Variants in RELN observed in about 807,000 individuals in gnomAD.
RELN encodes the protein reelin.
In RELN, 108 loss-of-function variants were observed where a neutral mutation model predicts 427.6. That is an observed-to-expected ratio of 0.25 (90% CI 0.22 to 0.30). The LOEUF is 0.30. RELN is among the 10% of genes least tolerant of loss of function. The pLI is 1.00. For missense variants in RELN, 3,715 were observed against 4,302.8 expected, an observed-to-expected ratio of 0.86 and a Z score of 3.82; for synonymous variants, 1,524 against 1,513.4, an observed-to-expected ratio of 1.01 and a Z score of -0.16.
chr7:103,639,320 T>C (rs1469901051), intron 17 of RELN, among the ~76,000 whole-genome samples: 2 of 152,110 alleles, frequency 1.3e-5, no homozygotes, highest in African/African-American at 4.8e-5. Context: ...GAAATATAGT[T>C]AGAAAGTTAA....
intron 3 of RELN, among the ~76,000 whole-genome samples, chr7:103,820,981 T>C (rs1218731821): frequency 6.6e-6 from 1 of 152,132 alleles, no homozygotes; most frequent in Non-Finnish European, 1.5e-5. Flanking sequence ...GTTTTACTTA[T>C]TTGTTAAAAA....
At chr7:103,511,204 G>GAT (rs1829400846) in intron 50 of RELN, among the ~76,000 whole-genome samples, 199 bp from the exon 51 acceptor site, 3 of 152,160 alleles carry the variant, frequency 2.0e-5, no homozygotes, top group African/African-American at 4.8e-5. Context: ...CCCTTTGTCT[G>GAT]ATATTAGTAC....
chr7:103,710,620 G>A, intron 8 of RELN, among the ~76,000 whole-genome samples: 1 of 152,184 alleles, frequency 6.6e-6, no homozygotes, highest in Non-Finnish European at 1.5e-5. Flanking sequence ...AAATCTAAAT[G>A]ACATGATCAA....
chr7:103,549,455 A>C (rs1384026658), intron 41 of RELN, among the ~76,000 whole-genome samples: 1 of 152,204 alleles, frequency 6.6e-6, no homozygotes, highest in East Asian at 1.9e-4. Context: ...CAGGGGAATG[A>C]ATTGAGACAT....
At chr7:103,942,279 T>G (rs1796131622) in intron 1 of RELN, among the ~76,000 whole-genome samples, 1 of 152,152 alleles carries the variant, frequency 6.6e-6, no homozygotes, top group Admixed American at 6.5e-5. Flanking sequence ...TTTGTACCCA[T>G]TAACCAACAT....
At chr7:103,802,362 T>A (rs1201756300) in intron 3 of RELN, among the ~76,000 whole-genome samples, 1 of 152,158 alleles carries the variant, frequency 6.6e-6, no homozygotes, top group Non-Finnish European at 1.5e-5. Context: ...TATGATGTAA[T>A]ATGTATGTTA....
chr7:103,799,276 A>G (rs983182379), intron 3 of RELN, among the ~76,000 whole-genome samples: 1 of 152,154 alleles, frequency 6.6e-6, no homozygotes, highest in East Asian at 1.9e-4. Flanking sequence ...GATGGTCTCA[A>G]ATAATGCATT....
chr7:103,536,504 A>C (rs1341333043), intron 45 of RELN, among the ~76,000 whole-genome samples: 1 of 152,152 alleles, frequency 6.6e-6, no homozygotes, highest in Non-Finnish European at 1.5e-5. Flanking sequence ...GGCATGGCCA[A>C]GGCGTCAGGA....
rs10272697 is a variant in RELN, at chr7:103,917,371, T to G, written c.227-186A>C. 0.23 allele frequency among the ~76,000 whole-genome samples: 34,245 copies of G among 151,992 alleles called. 4,370 individuals carry two copies. Among genetic ancestry groups the G allele is most frequent in the African/African-American group, 0.34 (13,955 of 41,438 alleles). On this transcript the variant is annotated intron_variant, in intron 1 of 64. Transcript: ENST00000428762. ...TAAAGAAGCTCGGAACTCCAGTGTC[T>G]ACAATTGCTGGTCCTAAATTTAGAA...
chr7:103,952,559 T>C (rs1460966449), intron 1 of RELN, among the ~76,000 whole-genome samples: 1 of 151,802 alleles, frequency 6.6e-6, no homozygotes, highest in Non-Finnish European at 1.5e-5. Context: ...ACTCTTTCTC[T>C]CTCTCTCTCT....
At chr7:103,706,377 T>TTAGA (rs1419322807) in intron 8 of RELN, among the ~76,000 whole-genome samples, 1 of 151,394 alleles carries the variant, frequency 6.6e-6, no homozygotes, top group Non-Finnish European at 1.5e-5. Context: ...ATCTGATTAG[T>TTAGA]TAGAAATTTA....
intron 31 of RELN, among the ~76,000 whole-genome samples, chr7:103,570,131 C>A (rs904236181): frequency 5.9e-5 from 9 of 152,294 alleles, no homozygotes; most frequent in Admixed American, 2.0e-4. Context: ...ATGAAAGTGT[C>A]TCAAGACTAG....
At chr7:103,501,852 C>A (rs759834098) in intron 52 of RELN, among the ~76,000 whole-genome samples, 1 of 152,160 alleles carries the variant, frequency 6.6e-6, no homozygotes, top group Non-Finnish European at 1.5e-5. Context: ...CTAATTGGTA[C>A]CAGTGGGATG....
chr7:103,959,427 A>G (rs1467689858), intron 1 of RELN, among the ~76,000 whole-genome samples: 4 of 152,208 alleles, frequency 2.6e-5, no homozygotes, highest in Non-Finnish European at 5.9e-5. Context: ...CCTGCCTACC[A>G]GAAAGCATCA....
At position 103,749,490 on chromosome 7, in the gene RELN, C is replaced by T. The variant is rs1160351268; in HGVS notation, c.592G>A (p.Asp198Asn). The change falls in exon 6 of 65, where the codon GAC becomes AAC. Residue 198 changes from aspartate (D) to asparagine (N), a missense_variant. By Grantham distance (23) the Asp-to-Asn change is conservative. Around this residue, in one of 4 missense-constraint regions of RELN, gnomAD observed 2,208 missense variants for 2,361.7 expected, o/e 0.93. Coordinates refer to ENST00000428762, the MANE Select transcript of RELN (RefSeq NM_005045.4). ...AAGTCATCTCTCAGGATAATGCTGT[C>T]ACTATGTATTTCAGCTAAAAGAAAA... ...VHPHLAEIHS[D>N]SIILRDDFDS... 9.9e-6 allele frequency: 16 copies of T among 1,611,874 alleles called. No individual in the cohort carries two copies. Among genetic ancestry groups the T allele is most frequent in the Non-Finnish European group, 1.4e-5 (16 of 1,178,230 alleles).
intron 63 of RELN, among the ~76,000 whole-genome samples, chr7:103,482,532 G>T (rs1329584632): frequency 1.3e-5 from 2 of 152,146 alleles, no homozygotes; most frequent in Non-Finnish European, 2.9e-5. Flanking sequence ...CCTCTTCAAG[G>T]ATGTCATTTC....
chr7:103,668,057 C>A (rs1251572913), intron 11 of RELN, among the ~76,000 whole-genome samples: 1 of 152,052 alleles, frequency 6.6e-6, no homozygotes, highest in African/African-American at 2.4e-5. Flanking sequence ...TGGTGAAAAC[C>A]CGTCTCTACT....
chr7:103,700,758 G>A (rs1834072698), intron 9 of RELN, 152 bp downstream of exon 9: 1 of 666,868 alleles, frequency 1.5e-6, no homozygotes, highest in Admixed American at 2.3e-5. Context: ...AGCAGGGCTG[G>A]TCATAATATG....
At chr7:103,648,387 T>A (rs1584374933) in intron 16 of RELN, among the ~76,000 whole-genome samples, 3 of 152,238 alleles carry the variant, frequency 2.0e-5, no homozygotes, top group Middle Eastern at 3.4e-3. Context: ...CTAGCCATGC[T>A]TTCTGTACAG....
Sources: allele counts gnomAD v4.1 joint callset (sites outside exome capture counted in the v4.1 genomes callset), GRCh38; gene constraint gnomAD v4.1.1; regional missense constraint gnomAD v4.1.1; transcripts MANE v1.5; gene names NCBI Gene and HGNC (gene_info 2026-07-23, HGNC 2026-07-21).